ATL2: variants seen among roughly 807,000 people sequenced by gnomAD.
The protein encoded by ATL2 is atlastin GTPase 2.
A neutral mutation model predicts 73.9 loss-of-function variants in ATL2; 31 were observed. That is an observed-to-expected ratio of 0.42 (90% CI 0.32 to 0.57). ATL2 has a LOEUF of 0.57. Among genes scored for constraint, ATL2 ranks in the 20% least tolerant of loss-of-function variants. The probability of loss-of-function intolerance (pLI) is 0.14; values close to 1 mark genes in which losing one functional copy is unlikely to be tolerated. For synonymous variants in ATL2, 291 were observed against 237.5 expected (o/e 1.23, Z -2.07); for missense variants, 738 against 702.6 (o/e 1.05, Z -0.57).
At chr2:38,334,919 T>C (rs989036817) in intron 2 of ATL2, among the ~76,000 whole-genome samples, 1 of 133,478 alleles carries the variant, frequency 7.5e-6, no homozygotes, top group African/African-American at 3.0e-5. Context: ...TATATAAATA[T>C]ATTTATATAT....
At chr2:38,296,469 G>A (rs777072430) in intron 12 of ATL2, 2 of 1,598,976 alleles carry the variant, frequency 1.3e-6, no homozygotes, top group South Asian at 1.1e-5. Flanking sequence ...AGAGAAAAAG[G>A]TTAAAAATAC....
At chr2:38,363,901 A>G (rs1204476244) in intron 1 of ATL2, among the ~76,000 whole-genome samples, 1 of 152,256 alleles carries the variant, frequency 6.6e-6, no homozygotes, top group African/African-American at 2.4e-5. Context: ...AACTAGGGTT[A>G]TCAATAAAGA....
chr2:38,365,170 C>CACACACAT (rs1553342185), intron 1 of ATL2, among the ~76,000 whole-genome samples: 2 of 130,834 alleles, frequency 1.5e-5, no homozygotes, highest in South Asian at 4.3e-4. Context: ...CACACAAATA[C>CACACACAT]ACACACACAC....
At chr2:38,306,686 G>T (rs1667466064) in intron 9 of ATL2, among the ~76,000 whole-genome samples, 1 of 152,100 alleles carries the variant, frequency 6.6e-6, no homozygotes, top group Admixed American at 6.5e-5. Context: ...AAAAGCACTG[G>T]ATAAAATTCA....
intron 9 of ATL2, among the ~76,000 whole-genome samples, chr2:38,302,259 T>TCC (rs1048335218): frequency 1.3e-5 from 2 of 151,994 alleles, no homozygotes; most frequent in Non-Finnish European, 2.9e-5. Context: ...CCCAGCACAT[T>TCC]CCCAGATGTT....
rs1667704506 is a variant in ATL2 at position 38,310,603 on chromosome 2, TTTCTGACCACTTTG to T, written c.805-170_805-157del. ...CAATACAAAAAATTATGAAGGCCCA[TTTCTGACCACTTTG>T]TTAAGACCCCACTTTTTTTTTTTTT... On this transcript the variant is annotated intron_variant, in intron 7 of 12. Coordinates refer to ENST00000378954, the MANE Select transcript of ATL2 (RefSeq NM_001135673.4). Among the ~76,000 whole-genome samples the T allele has an allele frequency of 3.3e-5, 5 of 151,638 alleles. No homozygotes were observed. The South Asian group carries it at 1.0e-3, about 32-fold the overall frequency.
intron 2 of ATL2, among the ~76,000 whole-genome samples, chr2:38,336,543 T>A (rs560289177): frequency 2.1e-4 from 32 of 152,338 alleles, no homozygotes; most frequent in African/African-American, 7.7e-4. Context: ...TAAACCAAAG[T>A]AAATATTTAT....
At position 38,298,526 on chromosome 2, in the gene ATL2, T is replaced by C; in HGVS notation, c.1250A>G (p.Lys417Arg). 6.2e-7 allele frequency: 1 copy of C among 1,614,168 alleles called. No homozygotes were observed. Among genetic ancestry groups the C allele is most frequent in the Non-Finnish European group, 8.5e-7 (1 of 1,179,992 alleles). Residue 417 changes from lysine to arginine, a missense_variant, in exon 12 of 13, where the codon AAA becomes AGA. Transcript: ENST00000378954. ...PYIAPSDLERKHLDLKEVAIK... is the reference protein window; with the variant it reads ...PYIAPSDLERRHLDLKEVAIK... ...CGCCACTTCCTTGAGATCCAAGTGT[T>C]TTCGCTCCAGATCTGAAGGTGCAAT... is the stretch of plus-strand genomic sequence containing the variant.
chr2:38,333,464 T>A lies in ATL2; in HGVS notation c.363+9804A>T, dbSNP rs147056713. 1.1e-4 allele frequency among the ~76,000 whole-genome samples: 16 copies of A among 152,322 alleles called. No homozygotes were observed. In the South Asian group the frequency reaches 2.1e-3, roughly 20 times the overall value. ...ATACAAGATGGCTTAACTCCCTAAA[T>A]GTTCTAAAACTGGTGGTTGAGTAGT... On this transcript the variant is annotated intron_variant, in intron 2 of 12. Transcript: ENST00000378954.
chr2:38,321,074 G>A (rs1668295632), intron 2 of ATL2, among the ~76,000 whole-genome samples: 1 of 152,042 alleles, frequency 6.6e-6, no homozygotes, highest in African/African-American at 2.4e-5. Context: ...AGAATCGCTT[G>A]AACCCGGGTT....
Position 38,312,706 on chromosome 2 carries a change from T to TAA in ATL2, c.804+443_804+444dup, listed in dbSNP as rs368819561. On this transcript the variant is annotated intron_variant, in intron 7 of 12. Transcript: ENST00000378954. ...CCCAGGCAATAGTGTGAGACTGTCT[T>TAA]AAAAAAAAAAAAAAAAAAAGAAGGT... Among the ~76,000 whole-genome samples, 824 of 120,286 alleles carry TAA rather than the reference T, an allele frequency of 6.9e-3. 8 individuals are homozygous for TAA. Among genetic ancestry groups the TAA allele is most frequent in the East Asian group, 0.062 (271 of 4,366 alleles). The allele number at this position is 120,286 out of a possible 152,430, so 78.9% of individuals were successfully genotyped here. A position where few individuals can be genotyped will look rare whatever the true frequency, so the allele number is the denominator to read the frequency against.
Position 38,313,229 on chromosome 2 carries a change from C to A in ATL2, c.726G>T (p.Leu242Phe). The change falls in exon 7 of 13, where the codon TTG (leucine) becomes TTT (phenylalanine). Residue 242 changes from leucine (L) to phenylalanine (F), a missense_variant. By Grantham distance (22) the Leu-to-Phe change is conservative. Transcript: ENST00000378954. ...CATAAGGATAGCTCCAATCTCGAAT[C>A]AAAAACATTAATGTCTATACACAGA... ...YQKPFQTLMF[L>F]IRDWSYPYEH... 6.2e-7 allele frequency: 1 copy of A among 1,609,110 alleles called. No homozygotes were observed. Among genetic ancestry groups the A allele is most frequent in the South Asian group, 1.1e-5 (1 of 90,126 alleles).
chr2:38,369,505 C>G (rs545749577), intron 1 of ATL2, among the ~76,000 whole-genome samples: 14 of 151,776 alleles, frequency 9.2e-5, no homozygotes, highest in African/African-American at 3.4e-4. Context: ...TCAGGCTGGT[C>G]TCGAACTCCT....
At chr2:38,365,043 C>CAAA (rs562213942) in intron 1 of ATL2, among the ~76,000 whole-genome samples, 1 of 112,894 alleles carries the variant, frequency 8.9e-6, no homozygotes. Flanking sequence ...GACTCCGTCT[C>CAAA]AAAAAAAAAA....
intron 1 of ATL2, among the ~76,000 whole-genome samples, chr2:38,373,015 A>G (rs1319958699): frequency 6.8e-6 from 1 of 146,452 alleles, no homozygotes; most frequent in Non-Finnish European, 1.5e-5. Flanking sequence ...ATTCTTACAT[A>G]TATGTTACTG....
chr2:38,309,823 G>A (rs866187178), intron 8 of ATL2, among the ~76,000 whole-genome samples: 42 of 152,004 alleles, frequency 2.8e-4, no homozygotes, highest in African/African-American at 9.9e-4. Flanking sequence ...TTTTCAAGAG[G>A]CAAACAATTC....
chr2:38,319,810 A>G (rs1331971977), intron 2 of ATL2, among the ~76,000 whole-genome samples: 2 of 152,138 alleles, frequency 1.3e-5, no homozygotes, highest in East Asian at 3.9e-4. Context: ...TCCTCTTTAA[A>G]AAATAATCAA....
Position 38,305,975 on chromosome 2 carries a change from A to G in ATL2, c.1071+3404T>C, listed in dbSNP as rs111798918. 1.5e-3 allele frequency among the ~76,000 whole-genome samples: 232 copies of G among 152,308 alleles called. 1 individual carries two copies. The highest frequency in any genetic ancestry group is 5.2e-3 in the African/African-American group (218 of 41,588). On this transcript the variant is annotated intron_variant, in intron 9 of 12. Coordinates refer to ENST00000378954, the MANE Select transcript of ATL2 (RefSeq NM_001135673.4). ...TGAAGCAAAAAGTTGATTTTTTAAA[A>G]AGATAAACAAAGTCAACAAACCTTT...
intron 1 of ATL2, among the ~76,000 whole-genome samples, chr2:38,357,965 T>C (rs1380758307): frequency 2.0e-5 from 3 of 152,230 alleles, no homozygotes; most frequent in Non-Finnish European, 4.4e-5. Context: ...TCTTATTTAG[T>C]GTTATTTCCT....
Sources: gnomAD v4.1 joint callset for allele counts (sites outside exome capture counted in the v4.1 genomes callset) on GRCh38, gnomAD v4.1.1 for gene constraint, MANE v1.5 for transcripts, NCBI Gene and HGNC (gene_info 2026-07-23, HGNC 2026-07-21) for gene names.